The following FIGNL2 variants were observed in gnomAD, a reference collection of about 807,000 sequenced individuals.
FIGNL2 encodes fidgetin like 2, also known as fidgetin-like protein 2.
For missense variants in FIGNL2, 1,060 were observed against 950.2 expected, an observed-to-expected ratio of 1.12 and a Z score of -1.52; for synonymous variants, 565 against 484.0, an observed-to-expected ratio of 1.17 and a Z score of -2.20.
chr12:51,847,101 G>C, intron 1 of FIGNL2: 1 of 985,396 alleles, frequency 1.0e-6, no homozygotes, highest in Non-Finnish European at 1.2e-6. Context: ...CACAGCACCG[G>C]GCAGCCCGGC....
At chr12:51,832,543 C>T (rs1040230121) in intron 1 of FIGNL2, among the ~76,000 whole-genome samples, 7 of 152,042 alleles carry the variant, frequency 4.6e-5, no homozygotes, top group African/African-American at 1.7e-4. Flanking sequence ...GCTCTCCTGG[C>T]CCCTGCTGCC....
intron 1 of FIGNL2, chr12:51,831,745 C>G (rs568060406): frequency 6.5e-6 from 1 of 154,406 alleles, no homozygotes; most frequent in Non-Finnish European, 1.5e-5. Flanking sequence ...CCTCGGTTCC[C>G]CCTTCTCCTA....
rs117108951 is a variant in FIGNL2 at position 51,820,316 on chromosome 12, G to A, written c.*136C>T. 8.5e-4 allele frequency: 981 copies of A among 1,152,990 alleles called. 7 individuals carry two copies. In the African/African-American group the frequency reaches 0.014, roughly 17 times the overall value. The allele number at this position is 1,152,990 out of a possible 1,614,324, so 71.4% of individuals were successfully genotyped here. On this transcript the variant is annotated 3_prime_UTR_variant, in exon 2 of 2. Transcript: ENST00000618634. ...TCCCACGAAAAAAAAAATATCCACC[G>A]GCAGACCCCTCCTGTCCCCGATCCC...
At chr12:51,832,552 C>T in intron 1 of FIGNL2, among the ~76,000 whole-genome samples, 1 of 152,034 alleles carries the variant, frequency 6.6e-6, no homozygotes, top group East Asian at 1.9e-4. Context: ...GCCCCTGCTG[C>T]CGTCCCCTCC....
intron 1 of FIGNL2, among the ~76,000 whole-genome samples, chr12:51,837,061 T>G (rs1222512402): frequency 2.0e-5 from 3 of 152,000 alleles, no homozygotes; most frequent in African/African-American, 7.3e-5. Flanking sequence ...TGACAAAGCC[T>G]GGGGCCTTGG....
intron 1 of FIGNL2, chr12:51,844,750 C>A: frequency 1.0e-6 from 1 of 985,328 alleles, no homozygotes; most frequent in African/African-American, 1.7e-5. Flanking sequence ...AAAAGCTGGA[C>A]AGCCTCTCTC....
At chr12:51,841,991 T>A (rs1565948420) in intron 1 of FIGNL2, 1 of 152,212 alleles carries the variant, frequency 6.6e-6, no homozygotes, top group Non-Finnish European at 1.5e-5. Context: ...GTGGAGGCAC[T>A]CGGCACCAGA....
chr12:51,820,455 G>A lies in FIGNL2; in HGVS notation c.1959C>T (p.His653=). Residue 653 remains histidine (H), a synonymous_variant, in exon 2 of 2, where the codon CAC becomes CAT. Coordinates refer to ENST00000618634, the MANE Select transcript of FIGNL2 (RefSeq NM_001384995.1). The part of the protein sequence containing the change: ...VEWDKMYGSG[H] ...CCGCGGCCTCCCCCGCGCGCCGTCA[G>A]TGTCCGGAGCCGTACATTTTGTCCC... 6.3e-7 allele frequency: 1 copy of A among 1,587,802 alleles called. No individual in the cohort carries two copies. The highest frequency in any genetic ancestry group is 8.5e-7 in the Non-Finnish European group (1 of 1,175,016).
intron 1 of FIGNL2, among the ~76,000 whole-genome samples, chr12:51,830,709 T>C (rs1202561361): frequency 1.3e-5 from 2 of 152,024 alleles, no homozygotes; most frequent in Non-Finnish European, 1.5e-5. Context: ...GCCAGGCTGG[T>C]CTCAAACTCC....
Position 51,820,989 on chromosome 12 carries a change from G to A in FIGNL2, c.1425C>T (p.Ala475=). 3.3e-6 allele frequency: 4 copies of A among 1,203,348 alleles called. No homozygotes were observed. Among genetic ancestry groups the A allele is most frequent in the Non-Finnish European group, 4.1e-6 (4 of 971,410 alleles). The allele number at this position is 1,203,348 out of a possible 1,614,324, so 74.5% of individuals were successfully genotyped here. The change falls in exon 2 of 2, where the codon GCC becomes GCT. Residue 475 remains alanine, a synonymous_variant. Transcript: ENST00000618634. ...GGCGGCAGCGCGCGGCCGCGAAGGC[G>A]GCCTGGAGGAGGCGCGCGCCCTCGG... ...GAAEGARLLQ[A]AFAAARCRPP... is the part of the protein sequence containing the mutation.
rs1939078489 is a variant in FIGNL2, at chr12:51,817,940, A to G, written c.*2512T>C. The G allele has an allele frequency of 6.6e-6, 1 of 152,512 alleles. No homozygotes were observed. Among genetic ancestry groups the G allele is most frequent in the Non-Finnish European group, 1.5e-5 (1 of 68,018 alleles). The allele number at this position is 152,512 out of a possible 1,614,324, so 9.4% of individuals were successfully genotyped here. A position where few individuals can be genotyped will look rare whatever the true frequency, so the allele number is the denominator to read the frequency against. On this transcript the variant is annotated 3_prime_UTR_variant, in exon 2 of 2. Coordinates refer to ENST00000618634, the MANE Select transcript of FIGNL2 (RefSeq NM_001384995.1). ...AATACTGTGTAATACTTTCTTTTAAAATACAGTCTCTTCTGAGGTAGACAG... is the reference window on the plus strand; with the variant it reads ...AATACTGTGTAATACTTTCTTTTAAGATACAGTCTCTTCTGAGGTAGACAG...
rs1254863487 is a variant in FIGNL2 at position 51,821,630 on chromosome 12, C to A, written c.784G>T (p.Gly262Trp). The stretch of plus-strand genomic sequence containing the variant: ...GCGGCCTTGCGCTTCAGCGACAGCC[C>A]GGATTCGGCACCCGGCGCGGCCGTG... ...FPTAAPGAES[G>W]LSLKRKAADE... The change falls in exon 2 of 2, where the codon GGG becomes TGG. Residue 262 changes from glycine (G) to tryptophan (W), a missense_variant. Gly to Trp is a radical substitution (Grantham distance 184). Coordinates refer to ENST00000618634, the MANE Select transcript of FIGNL2 (RefSeq NM_001384995.1). 6.7e-7 allele frequency: 1 copy of A among 1,486,374 alleles called. No individual in the cohort carries two copies. Among genetic ancestry groups the A allele is most frequent in the East Asian group, 2.8e-5 (1 of 35,120 alleles). The allele number at this position is 1,486,374 out of a possible 1,614,324, so 92.1% of individuals were successfully genotyped here.
intron 1 of FIGNL2, among the ~76,000 whole-genome samples, chr12:51,825,144 G>C (rs550787592): frequency 1.3e-5 from 2 of 150,592 alleles, no homozygotes; most frequent in South Asian, 4.2e-4. Flanking sequence ...TCTGTGCTTT[G>C]TTTCCTTACT....
intron 1 of FIGNL2, among the ~76,000 whole-genome samples, chr12:51,829,374 A>G (rs1452776350): frequency 6.6e-6 from 1 of 152,096 alleles, no homozygotes; most frequent in Non-Finnish European, 1.5e-5. Flanking sequence ...CCAACCCCCC[A>G]GTTATTGCAA....
At chr12:51,831,339 C>T (rs1197375402) in intron 1 of FIGNL2, among the ~76,000 whole-genome samples, 1 of 152,212 alleles carries the variant, frequency 6.6e-6, no homozygotes, top group Non-Finnish European at 1.5e-5. Context: ...CAGGTCCCAG[C>T]TCGGAGGCTC....
intron 1 of FIGNL2, chr12:51,838,060 C>T (rs1939607005): frequency 6.6e-6 from 1 of 152,378 alleles, no homozygotes; most frequent in African/African-American, 2.4e-5. Flanking sequence ...CTGCATGGGC[C>T]ACTAGAAGTG....
rs1232191535 is a variant in FIGNL2 at position 51,819,817 on chromosome 12, T to G, written c.*635A>C. 1 of 153,268 alleles carries G rather than the reference T, an allele frequency of 6.5e-6. No homozygotes were observed. Among genetic ancestry groups the G allele is most frequent in the Admixed American group, 6.5e-5 (1 of 15,348 alleles). The allele number at this position is 153,268 out of a possible 1,614,324, so 9.5% of individuals were successfully genotyped here. ...ATGGGTAGAGGGGTAACCCTCCTCC[T>G]CAGCCCCTGGGCCTCCAGAGCTCCT... On this transcript the variant is annotated 3_prime_UTR_variant, in exon 2 of 2. Transcript: ENST00000618634.
intron 1 of FIGNL2, among the ~76,000 whole-genome samples, chr12:51,838,209 G>GT (rs1401038739): frequency 6.6e-6 from 1 of 152,248 alleles, no homozygotes; most frequent in Non-Finnish European, 1.5e-5. Flanking sequence ...GAAGAAAGGA[G>GT]TAAGGGCTGC....
rs1185019623 is a variant in FIGNL2, at chr12:51,821,526, G to A, written c.888C>T (p.Tyr296=). 3 of 1,566,888 alleles carry A rather than the reference G, an allele frequency of 1.9e-6. No homozygotes were observed. The highest frequency in any genetic ancestry group is 3.5e-5 in the Admixed American group (2 of 57,446). ...AKAPVADGAS[Y]PAADNGECRG... ...GACATTCGCCGTTGTCCGCGGCGGGGTAGGAGGCTCCGTCAGCCACGGGGG... is the reference window on the plus strand; with the variant it reads ...GACATTCGCCGTTGTCCGCGGCGGGATAGGAGGCTCCGTCAGCCACGGGGG... The change falls in exon 2 of 2, where the codon TAC becomes TAT. Residue 296 remains tyrosine, a synonymous_variant. Transcript: ENST00000618634.
Sources: gnomAD v4.1 joint callset for allele counts (sites outside exome capture counted in the v4.1 genomes callset) on GRCh38, gnomAD v4.1.1 for gene constraint, MANE v1.5 for transcripts, NCBI Gene and HGNC (gene_info 2026-07-23, HGNC 2026-07-21) for gene names.